Variants in UBE2F observed in about 807,000 individuals in gnomAD.
The protein encoded by UBE2F is ubiquitin conjugating enzyme E2 F (putative), also known as NEDD8-conjugating enzyme UBE2F.
In UBE2F, 5 loss-of-function variants were observed where a neutral mutation model predicts 29.6. That is an observed-to-expected ratio of 0.17 (90% confidence interval 0.09 to 0.36). The LOEUF (loss-of-function observed/expected upper bound fraction) is 0.36, where lower values mean the gene tolerates loss of function less well. Ranked by LOEUF, UBE2F falls within the 10% of genes least tolerant of loss-of-function variation. The pLI is 1.00. For missense variants in UBE2F, 141 were observed against 228.5 expected (o/e 0.62, Z 2.47); for synonymous variants, 66 against 81.8 (o/e 0.81, Z 1.04).
chr2:237,990,770 AT>A (rs1197771057), intron 3 of UBE2F, among the ~76,000 whole-genome samples: 8 of 151,202 alleles, frequency 5.3e-5, no homozygotes, highest in African/African-American at 1.5e-4. Context: ...CAAAAAAAAA[AT>A]AATAATAAAA....
chr2:238,001,634 G>A (rs1479379334), intron 4 of UBE2F, among the ~76,000 whole-genome samples: 1 of 151,920 alleles, frequency 6.6e-6, no homozygotes, highest in Non-Finnish European at 1.5e-5. Flanking sequence ...TTGCTAACAT[G>A]GTGAAACCCC....
intron 3 of UBE2F, among the ~76,000 whole-genome samples, chr2:237,992,599 T>C (rs999754075): frequency 6.6e-6 from 1 of 152,216 alleles, no homozygotes; most frequent in Admixed American, 6.5e-5. Context: ...AGGTGTCCCA[T>C]GTCTTAACAT....
At chr2:237,991,609 C>CTTTCTTTTTTTTCTTTT (rs57180067) in intron 3 of UBE2F, among the ~76,000 whole-genome samples, 3 of 53,052 alleles carry the variant, frequency 5.7e-5, no homozygotes, top group Middle Eastern at 0.011. Flanking sequence ...TTCTTTCTTT[C>CTTTCTTTTTTTTCTTTT]TTTTTTTTTT....
intron 4 of UBE2F, among the ~76,000 whole-genome samples, chr2:237,998,696 T>C (rs1358284340): frequency 2.0e-5 from 3 of 151,918 alleles, no homozygotes; most frequent in Non-Finnish European, 4.4e-5. Flanking sequence ...TTTTGAGTCA[T>C]AGGAAAGATA....
chr2:238,018,348 TGA>T (rs1490479221), intron 5 of UBE2F, among the ~76,000 whole-genome samples: 2 of 152,188 alleles, frequency 1.3e-5, no homozygotes, highest in African/African-American at 4.8e-5. Context: ...AAGTCTAAGC[TGA>T]TAAACTTTCC....
intron 5 of UBE2F, among the ~76,000 whole-genome samples, chr2:238,023,989 A>G (rs1382054526): frequency 6.6e-6 from 1 of 152,210 alleles, no homozygotes; most frequent in Non-Finnish European, 1.5e-5. Flanking sequence ...GCCCAGAGGT[A>G]GGGAAGTGCC....
chr2:238,037,153 C>G (rs913398663), intron 9 of UBE2F, among the ~76,000 whole-genome samples: 6 of 152,088 alleles, frequency 3.9e-5, no homozygotes, highest in Admixed American at 3.9e-4. Flanking sequence ...ATCAGTCATT[C>G]ATTTCAGGAG....
intron 2 of UBE2F, among the ~76,000 whole-genome samples, chr2:237,977,529 A>G (rs2106329034): frequency 6.6e-6 from 1 of 152,258 alleles, no homozygotes; most frequent in Middle Eastern, 3.4e-3. Context: ...AGAGTGCCTG[A>G]TGGTTCATGC....
rs756255823 is a variant in UBE2F, at chr2:237,987,945, A to G, written c.119-18A>G. The G allele has an allele frequency of 1.0e-5, 15 of 1,438,778 alleles. No individual in the cohort carries two copies. The highest frequency in any genetic ancestry group is 1.2e-5 in the Non-Finnish European group (13 of 1,059,756). The allele number at this position is 1,438,778 out of a possible 1,614,324, so 89.1% of individuals were successfully genotyped here. ...GAGTAATTGACTAATATTAATAATA[A>G]TTTCTTTGTTTCTACAGAGGTTGCA... On this transcript the variant is annotated intron_variant, in intron 2 of 9. Transcript: ENST00000272930.
rs1484515981 is a variant in UBE2F, at chr2:237,973,135, C to T, written c.28C>T (p.Arg10Cys). 3.7e-6 allele frequency: 6 copies of T among 1,613,696 alleles called. No homozygotes were observed. The highest frequency in any genetic ancestry group is 1.7e-4 in the Middle Eastern group (1 of 6,060). The part of the protein sequence containing the change: MLTLASKLK[R>C]DDGLKGSRTA... ...GCTAACGCTAGCAAGTAAACTGAAG[C>T]GTGACGATGGTCTCAAAGGGTCCCG... The change falls in exon 2 of 10, where the codon CGT (arginine) becomes TGT (cysteine). Residue 10 changes from arginine (R) to cysteine (C), a missense_variant. Physicochemically the swap from Arg to Cys is radical, Grantham distance 180 (BLOSUM62 -3). Transcript: ENST00000272930.
chr2:237,990,078 A>G (rs1173025137), intron 3 of UBE2F, among the ~76,000 whole-genome samples: 1 of 142,468 alleles, frequency 7.0e-6, no homozygotes, highest in Non-Finnish European at 1.5e-5. Context: ...AGATTGTGCC[A>G]CTGCACTCCT....
intron 3 of UBE2F, 94 bp from the exon 4 acceptor site, chr2:237,994,650 A>G: frequency 2.1e-6 from 2 of 947,410 alleles, no homozygotes; most frequent in Non-Finnish European, 3.4e-6. Context: ...GAATCCCTGT[A>G]GCACCGCTAA....
chr2:238,035,923 C>T lies in UBE2F; in HGVS notation c.490C>T (p.His164Tyr). ...DDPLNIEAAE[H>Y]HLRDKEDFRN... is the part of the protein sequence containing the mutation. Reference sequence around the variant, plus strand: ...TCCACTGAATATTGAAGCTGCAGAACATCATTTGCGGGACAAGGTGAGCCA... The same window carrying T: ...TCCACTGAATATTGAAGCTGCAGAATATCATTTGCGGGACAAGGTGAGCCA... Residue 164 changes from histidine to tyrosine, a missense_variant, in exon 9 of 10, where the codon CAT becomes TAT. Physicochemically the swap from His to Tyr is moderately conservative, Grantham distance 83. Coordinates refer to ENST00000272930, the MANE Select transcript of UBE2F (RefSeq NM_080678.3). The T allele has an allele frequency of 6.2e-7, 1 of 1,613,452 alleles. No individual in the cohort carries two copies. The highest frequency in any genetic ancestry group is 8.5e-7 in the Non-Finnish European group (1 of 1,179,954).
At chr2:238,022,736 A>C (rs1242235503) in intron 5 of UBE2F, among the ~76,000 whole-genome samples, 1 of 152,178 alleles carries the variant, frequency 6.6e-6, no homozygotes. Context: ...GATTTGTCAT[A>C]CATTAGGCTT....
At chr2:238,022,204 C>G (rs1220495378) in intron 5 of UBE2F, among the ~76,000 whole-genome samples, 2 of 139,080 alleles carry the variant, frequency 1.4e-5, no homozygotes, top group Non-Finnish European at 3.0e-5. Context: ...GAGTCTTGCT[C>G]TGTCCCCCAG....
At chr2:238,024,299 G>A (rs566258090) in intron 5 of UBE2F, among the ~76,000 whole-genome samples, 4 of 152,264 alleles carry the variant, frequency 2.6e-5, no homozygotes, top group Non-Finnish European at 4.4e-5. Flanking sequence ...TTTTCTCTCT[G>A]AGTATGGATT....
intron 9 of UBE2F, among the ~76,000 whole-genome samples, chr2:238,036,562 C>T (rs1229313413): frequency 1.3e-5 from 2 of 152,112 alleles, no homozygotes; most frequent in East Asian, 3.8e-4. Flanking sequence ...AGCATGGTGG[C>T]GTTGTGATTA....
intron 5 of UBE2F, among the ~76,000 whole-genome samples, chr2:238,023,763 G>A (rs2064348759): frequency 6.6e-6 from 1 of 152,176 alleles, no homozygotes; most frequent in Non-Finnish European, 1.5e-5. Context: ...CCTTTCTGTG[G>A]GAGGTCCTGG....
chr2:237,980,563 T>C (rs753196493), intron 2 of UBE2F, among the ~76,000 whole-genome samples: 1 of 152,144 alleles, frequency 6.6e-6, no homozygotes, highest in Admixed American at 6.5e-5. Flanking sequence ...TACCATCACA[T>C]TGGGGGTTAG....
Sources: gnomAD v4.1 joint callset for allele counts (sites outside exome capture counted in the v4.1 genomes callset) on GRCh38, gnomAD v4.1.1 for gene constraint, MANE v1.5 for transcripts, NCBI Gene and HGNC (gene_info 2026-07-23, HGNC 2026-07-21) for gene names.